Variants in CAMK2A observed in about 807,000 individuals in gnomAD.
CAMK2A encodes calcium/calmodulin dependent protein kinase II alpha.
In CAMK2A, 7 loss-of-function variants were observed where a neutral mutation model predicts 79.2. That is an observed-to-expected ratio of 0.09 (90% confidence interval 0.05 to 0.17). CAMK2A has a LOEUF of 0.17. CAMK2A is among the 10% of genes least tolerant of loss of function. The probability of loss-of-function intolerance (pLI) is 1.00; values close to 1 mark genes in which losing one functional copy is unlikely to be tolerated. For missense variants in CAMK2A, 214 were observed against 646.4 expected (o/e 0.33, Z 7.25); for synonymous variants, 242 against 251.7 (o/e 0.96, Z 0.36).
In CAMK2A at chr5:150,289,555, A is replaced by G. The variant is rs202068442; in HGVS notation, c.62+9T>C. 1,990 of 1,612,810 alleles carry G rather than the reference A, an allele frequency of 1.2e-3. 4 individuals are homozygous for G. Among genetic ancestry groups the G allele is most frequent in the Non-Finnish European group, 1.6e-3 (1,845 of 1,178,882 alleles). ...CATGCCTTCCAGGACTTCCTGAGGC[A>G]CAACTCACTTGCCCAATTCCTCGAA... is the stretch of plus-strand genomic sequence containing the variant. On this transcript the variant is annotated intron_variant, in intron 1 of 18. Coordinates refer to ENST00000671881, the MANE Select transcript of CAMK2A (RefSeq NM_015981.4).
upstream of CAMK2A, chr5:150,289,899 C>T (rs865859410): frequency 3.9e-5 from 20 of 506,722 alleles, no homozygotes; most frequent in Middle Eastern, 5.1e-4. Context: ...ACCTGCCTGC[C>T]TTCCACTGCG....
intron 1 of CAMK2A, among the ~76,000 whole-genome samples, chr5:150,287,861 G>C (rs1176821833): frequency 6.6e-6 from 1 of 152,030 alleles, no homozygotes. Flanking sequence ...CTGAAAGTCT[G>C]CAGATAAGAG....
chr5:150,251,963 G>C lies in CAMK2A; in HGVS notation c.598+19C>G, dbSNP rs762044127. 3 of 1,610,374 alleles carry C rather than the reference G, an allele frequency of 1.9e-6. No individual in the cohort carries two copies. Among genetic ancestry groups the C allele is most frequent in the Admixed American group, 3.3e-5 (2 of 59,924 alleles). ...CGGGGTGCAGCCAGGGGCACAAAAG[G>C]GCCTTAGGATGAACTCACCACAAGC... On this transcript the variant is annotated intron_variant, in intron 8 of 18. Coordinates refer to ENST00000671881, the MANE Select transcript of CAMK2A (RefSeq NM_015981.4).
chr5:150,248,866 G>A lies in CAMK2A; in HGVS notation c.901-1052C>T, dbSNP rs375595956. ...ATCCCAGGAGGATTCTCAATGTAGA[G>A]AAAGCCTCCTCCATCAACAAGCAGG... On this transcript the variant is annotated intron_variant, in intron 11 of 18. Transcript: ENST00000671881. Among the ~76,000 whole-genome samples the A allele has an allele frequency of 2.0e-5, 3 of 152,168 alleles. No individual in the cohort carries two copies. In the East Asian group the frequency reaches 5.8e-4, roughly 29 times the overall value.
intron 15 of CAMK2A, among the ~76,000 whole-genome samples, chr5:150,235,678 A>G (rs1235531970): frequency 6.6e-6 from 1 of 152,226 alleles, no homozygotes; most frequent in Non-Finnish European, 1.5e-5. Context: ...CTGTGCAGTG[A>G]GCCAGAGGGG....
At chr5:150,286,559 C>A (rs374155606) in intron 1 of CAMK2A, among the ~76,000 whole-genome samples, 18 of 152,338 alleles carry the variant, frequency 1.2e-4, no homozygotes, top group Middle Eastern at 3.4e-3. Flanking sequence ...TCCCATGTGC[C>A]CTTTTAGGGC....
At chr5:150,260,079 T>A (rs115485988) in intron 3 of CAMK2A, among the ~76,000 whole-genome samples, 1,813 of 152,344 alleles carry the variant, frequency 0.012, 44 homozygotes, top group African/African-American at 0.042. Flanking sequence ...CTTGCATTAT[T>A]ACGTTTCTAT....
intron 13 of CAMK2A, among the ~76,000 whole-genome samples, chr5:150,241,683 C>T (rs1399217583): frequency 6.7e-6 from 1 of 148,682 alleles, no homozygotes; most frequent in African/African-American, 2.5e-5. Flanking sequence ...CCTCTTCCCT[C>T]TCCTCAACTC....
chr5:150,280,028 C>A (rs1056252893), intron 1 of CAMK2A, among the ~76,000 whole-genome samples: 4 of 152,254 alleles, frequency 2.6e-5, no homozygotes, highest in African/African-American at 9.6e-5. Context: ...AGCCCTCACT[C>A]AGCTTGGCTA....
At chr5:150,258,804 A>G (rs556684273) in intron 3 of CAMK2A, among the ~76,000 whole-genome samples, 186 of 152,330 alleles carry the variant, frequency 1.2e-3, no homozygotes, top group African/African-American at 4.4e-3. Flanking sequence ...GGAGAGAGGC[A>G]GGCATCAGAT....
intron 13 of CAMK2A, among the ~76,000 whole-genome samples, chr5:150,240,228 G>A (rs562083444): frequency 5.3e-5 from 8 of 152,262 alleles, no homozygotes; most frequent in Admixed American, 2.6e-4. Context: ...TGGGAAACTC[G>A]TTACAATAAA....
At chr5:150,271,837 A>G (rs933031591) in intron 2 of CAMK2A, among the ~76,000 whole-genome samples, 10 of 152,166 alleles carry the variant, frequency 6.6e-5, no homozygotes, top group African/African-American at 2.4e-4. Context: ...AACGTCCACA[A>G]TCACCCCGGT....
chr5:150,278,798 C>T (rs1757083061), intron 1 of CAMK2A, among the ~76,000 whole-genome samples: 1 of 152,182 alleles, frequency 6.6e-6, no homozygotes, highest in African/African-American at 2.4e-5. Context: ...CGTGTATTGG[C>T]AACCTGGTCT....
intron 1 of CAMK2A, among the ~76,000 whole-genome samples, chr5:150,279,346 C>T (rs923655081): frequency 6.6e-6 from 1 of 152,194 alleles, no homozygotes; most frequent in Admixed American, 6.5e-5. Context: ...GAGCAGAGTT[C>T]ACATTGTGGG....
chr5:150,275,225 T>C (rs1235043093), intron 1 of CAMK2A, among the ~76,000 whole-genome samples: 1 of 152,208 alleles, frequency 6.6e-6, no homozygotes, highest in Non-Finnish European at 1.5e-5. Flanking sequence ...AGCCTGTCCA[T>C]ATGCTACCAG....
chr5:150,289,374 T>C (rs1171439914), intron 1 of CAMK2A, among the ~76,000 whole-genome samples, 190 bp downstream of exon 1: 3 of 152,212 alleles, frequency 2.0e-5, no homozygotes, highest in African/African-American at 7.2e-5. Flanking sequence ...GGCACATCTG[T>C]GCACCCACAA....
intron 11 of CAMK2A, among the ~76,000 whole-genome samples, chr5:150,248,642 A>G (rs1000462060): frequency 6.6e-6 from 1 of 151,904 alleles, no homozygotes; most frequent in Non-Finnish European, 1.5e-5. Context: ...AGCTTCATCC[A>G]TGTCCCTACA....
At chr5:150,249,127 A>T (rs1280333657) in intron 11 of CAMK2A, among the ~76,000 whole-genome samples, 5 of 152,254 alleles carry the variant, frequency 3.3e-5, no homozygotes, top group Non-Finnish European at 5.9e-5. Context: ...GCCTGGGAGC[A>T]GCAGATAAGG....
At position 150,231,886 on chromosome 5, in the gene CAMK2A, G is replaced by A. The variant is rs910290880; in HGVS notation, c.1067-506C>T. ...CACTAAGAAAAATCTTAGGGTATAC[G>A]CATCCCTTGAGCCTAGATGAGCTTC... On this transcript the variant is annotated intron_variant, in intron 15 of 18. Transcript: ENST00000671881. 5.9e-5 allele frequency among the ~76,000 whole-genome samples: 9 copies of A among 152,278 alleles called. No individual in the cohort carries two copies. The East Asian group carries it at 1.5e-3, about 26-fold the overall frequency.
Sources: gnomAD v4.1 joint callset for allele counts (sites outside exome capture counted in the v4.1 genomes callset) on GRCh38, gnomAD v4.1.1 for gene constraint, MANE v1.5 for transcripts, NCBI Gene and HGNC (gene_info 2026-07-23, HGNC 2026-07-21) for gene names.